EGFR: variants seen among roughly 807,000 people sequenced by gnomAD.
The protein encoded by EGFR is avian erythroblastic leukemia viral (v-erb-b) oncogene homolog.
Under a neutral mutation model 143.0 loss-of-function variants are expected in EGFR, and 58 were observed. The ratio of observed to expected loss-of-function variants is 0.41; its 90% CI spans 0.33 to 0.50. The LOEUF (loss-of-function observed/expected upper bound fraction) is 0.50, where lower values mean the gene tolerates loss of function less well. EGFR is among the 20% of genes least tolerant of loss of function. The pLI is 0.39. For missense variants in EGFR, 1,307 were observed against 1,579.0 expected, an observed-to-expected ratio of 0.83 and a Z score of 2.92; for synonymous variants, 613 against 594.4, an observed-to-expected ratio of 1.03 and a Z score of -0.45.
At chr7:55,093,545 C>T (rs115704057) in intron 1 of EGFR, among the ~76,000 whole-genome samples, 1,525 of 152,312 alleles carry the variant, frequency 0.01, 13 homozygotes, top group Middle Eastern at 0.034. Flanking sequence ...GACCTTCTCC[C>T]GACCGTGATG....
intron 1 of EGFR, among the ~76,000 whole-genome samples, chr7:55,134,765 A>G (rs944960979): frequency 1.3e-5 from 2 of 152,380 alleles, no homozygotes; most frequent in East Asian, 3.9e-4. Flanking sequence ...TTGAAGGCAC[A>G]TAGGCAGAAA....
At chr7:55,134,263 A>G (rs1017739096) in intron 1 of EGFR, among the ~76,000 whole-genome samples, 51 of 147,672 alleles carry the variant, frequency 3.5e-4, no homozygotes, top group African/African-American at 1.2e-3. Flanking sequence ...AGCCACATCC[A>G]GGTCCAGTTC....
At chr7:55,181,641 TG>T (rs1270908889) in intron 20 of EGFR, 163 bp downstream of exon 20, 1 of 840,586 alleles carries the variant, frequency 1.2e-6, no homozygotes, top group African/African-American at 1.7e-5. Flanking sequence ...TTGATCTTCT[TG>T]TGCACAAATC....
chr7:55,201,088 C>T (rs1787825928), intron 24 of EGFR, 100 bp from the exon 25 acceptor site: 1 of 1,497,116 alleles, frequency 6.7e-7, no homozygotes, highest in African/African-American at 1.4e-5. Context: ...AATTGGCAAA[C>T]ACACAGGCAC....
intron 1 of EGFR, among the ~76,000 whole-genome samples, chr7:55,089,141 T>G (rs949940647): frequency 6.6e-6 from 1 of 152,230 alleles, no homozygotes; most frequent in Admixed American, 6.5e-5. Flanking sequence ...ATACATATTG[T>G]TTTGCCTCTT....
At chr7:55,146,476 C>T (rs1431951951) in intron 3 of EGFR, 130 bp from the exon 4 acceptor site, 8 of 1,451,180 alleles carry the variant, frequency 5.5e-6, no homozygotes, top group Non-Finnish European at 6.6e-6. Context: ...GTTCACTGGG[C>T]TAATTGCGGG....
intron 1 of EGFR, among the ~76,000 whole-genome samples, chr7:55,116,308 A>G (rs1792839123): frequency 1.3e-5 from 2 of 152,172 alleles, no homozygotes. Context: ...CGCAATGCGC[A>G]CATCCCACCC....
chr7:55,168,778 A>T (rs901661349), intron 15 of EGFR: 1 of 539,952 alleles, frequency 1.9e-6, no homozygotes, highest in Non-Finnish European at 3.1e-6. Context: ...TATAGGAATT[A>T]CACGATAGAA....
chr7:55,132,335 A>G (rs1793894343), intron 1 of EGFR, among the ~76,000 whole-genome samples: 1 of 152,204 alleles, frequency 6.6e-6, no homozygotes, highest in African/African-American at 2.4e-5. Flanking sequence ...TGCAAATTAC[A>G]TATCTGTTTC....
chr7:55,176,499 C>T (rs1259805362), intron 19 of EGFR, among the ~76,000 whole-genome samples: 8 of 152,046 alleles, frequency 5.3e-5, no homozygotes, highest in Non-Finnish European at 8.8e-5. Flanking sequence ...GCAGGAGGAT[C>T]CCTTGAGCTT....
chr7:55,203,903 C>T (rs1471247137), intron 27 of EGFR, among the ~76,000 whole-genome samples: 1 of 150,662 alleles, frequency 6.6e-6, no homozygotes, highest in Non-Finnish European at 1.5e-5. Context: ...TATTAGCTAT[C>T]TAATATCTAT....
chr7:55,098,236 A>C (rs2128899201), intron 1 of EGFR, among the ~76,000 whole-genome samples: 1 of 152,314 alleles, frequency 6.6e-6, no homozygotes, highest in Non-Finnish European at 1.5e-5. Context: ...TTTTTTCAAA[A>C]CCTAAATAGC....
rs780476417 is a variant in EGFR, at chr7:55,146,615, A to G, written c.434A>G (p.His145Arg). 137 of 1,614,030 alleles carry G rather than the reference A, an allele frequency of 8.5e-5. No individual in the cohort carries two copies. Among genetic ancestry groups the G allele is most frequent in the Non-Finnish European group, 1.1e-4 (131 of 1,180,034 alleles). The change falls in exon 4 of 28, where the codon CAT becomes CGT. Residue 145 changes from histidine (H) to arginine (R), a missense_variant. His to Arg is a conservative substitution (Grantham distance 29). Around this residue, in one of 7 missense-constraint regions of EGFR, gnomAD observed 311 missense variants for 412.3 expected, o/e 0.75. Transcript: ENST00000275493. The part of the protein sequence containing the change: ...LPMRNLQEIL[H>R]GAVRFSNNPA... ...TTCCATTCTCCCGCAGAAATCCTGCATGGCGCCGTGCGGTTCAGCAACAAC... is the reference window on the plus strand; with the variant it reads ...TTCCATTCTCCCGCAGAAATCCTGCGTGGCGCCGTGCGGTTCAGCAACAAC...
intron 12 of EGFR, among the ~76,000 whole-genome samples, chr7:55,160,791 C>T (rs145849050): frequency 5.6e-4 from 86 of 152,346 alleles, no homozygotes; most frequent in African/African-American, 1.9e-3. Flanking sequence ...CCACGGGCAG[C>T]GTCAGCTTTG....
intron 1 of EGFR, among the ~76,000 whole-genome samples, chr7:55,068,769 AAG>A (rs142192851): frequency 3.3e-4 from 50 of 149,760 alleles, no homozygotes; most frequent in Admixed American, 5.3e-4. Context: ...AACCTTAGAG[AAG>A]AGAGAGAGAG....
At chr7:55,171,355 G>C in intron 16 of EGFR, 142 bp downstream of exon 16, 1 of 1,214,768 alleles carries the variant, frequency 8.2e-7, no homozygotes, top group Non-Finnish European at 1.2e-6. Context: ...CCTCAGCCAG[G>C]GTTTCTGCAG....
At chr7:55,077,572 G>T (rs1297420567) in intron 1 of EGFR, among the ~76,000 whole-genome samples, 1 of 152,170 alleles carries the variant, frequency 6.6e-6, no homozygotes, top group Non-Finnish European at 1.5e-5. Context: ...CTTCCAGCAT[G>T]ATTATGATAT....
At chr7:55,170,298 T>C (rs2128950403) in intron 15 of EGFR, 3 of 1,614,156 alleles carry the variant, frequency 1.9e-6, no homozygotes, top group Non-Finnish European at 2.5e-6. Flanking sequence ...CTTGTCCATC[T>C]TTCTCCAGGC....
chr7:55,165,050 T>C (rs1301630784), intron 14 of EGFR, among the ~76,000 whole-genome samples: 1 of 152,228 alleles, frequency 6.6e-6, no homozygotes, highest in African/African-American at 2.4e-5. Flanking sequence ...ATTTCTTTCA[T>C]GCTGGTGTAT....
Sources: gnomAD v4.1 joint callset for allele counts (sites outside exome capture counted in the v4.1 genomes callset) on GRCh38, gnomAD v4.1.1 for gene constraint, gnomAD v4.1.1 regional missense constraint, MANE v1.5 for transcripts, NCBI Gene and HGNC (gene_info 2026-07-23, HGNC 2026-07-21) for gene names.